ANO3: variants seen among roughly 807,000 people sequenced by gnomAD.
ANO3 encodes anoctamin 3.
ANO3 carries 99 observed loss-of-function variants against 144.8 expected under a neutral mutation model. The ratio of observed to expected loss-of-function variants is 0.68; its 90% confidence interval spans 0.58 to 0.81. ANO3 has a LOEUF of 0.81. Ranked by LOEUF, ANO3 falls within the 30% of genes least tolerant of loss-of-function variation. The pLI, the probability that ANO3 is intolerant of heterozygous loss-of-function variation, is 0.00. For missense variants in ANO3, 905 were observed against 1,202.2 expected (o/e 0.75, Z 3.66); for synonymous variants, 414 against 392.6 (o/e 1.05, Z -0.64).
At chr11:26,209,761 G>C (rs1195363167) in intron 1 of ANO3, among the ~76,000 whole-genome samples, 3 of 151,828 alleles carry the variant, frequency 2.0e-5, no homozygotes, top group African/African-American at 4.8e-5. Flanking sequence ...GCTTTTTTTC[G>C]TGTTTGTTGG....
rs549064287 is a variant in ANO3 at position 26,286,869 on chromosome 11, G to A, written c.155-22776G>A. Among the ~76,000 whole-genome samples, 9 of 152,292 alleles carry A rather than the reference G, an allele frequency of 5.9e-5. No individual in the cohort carries two copies. In the South Asian group the frequency reaches 1.5e-3, roughly 25 times the overall value. On this transcript the variant is annotated intron_variant, in intron 1 of 27. Transcript: ENST00000672621. ...AGCTCCAAACTATCTTTTTAGAGTCGTTAGCTTTGCACCAGAACCTTCTAA... is the reference window on the plus strand; with the variant it reads ...AGCTCCAAACTATCTTTTTAGAGTCATTAGCTTTGCACCAGAACCTTCTAA...
At chr11:26,233,996 G>T (rs1590207875) in intron 1 of ANO3, among the ~76,000 whole-genome samples, 1 of 71,508 alleles carries the variant, frequency 1.4e-5, no homozygotes, top group African/African-American at 3.6e-5. Context: ...AATGTATGCG[G>T]GGGGCTGAAA....
intron 1 of ANO3, among the ~76,000 whole-genome samples, chr11:26,415,736 C>A (rs1185037267): frequency 6.6e-6 from 1 of 152,052 alleles, no homozygotes; most frequent in Non-Finnish European, 1.5e-5. Context: ...AAGGGAAATA[C>A]AGCCAGGCAC....
At position 26,315,141 on chromosome 11, in the gene ANO3, G is replaced by C. The variant is rs1854592542; in HGVS notation, c.-3+5422G>C. ...CTGTAGATGATTACATCTATGTATG[G>C]CATTCAGATGAAGAGCAATTCATCT... On this transcript the variant is annotated intron_variant, in intron 1 of 26. Coordinates refer to the ANO3 transcript ENST00000525139. Among the ~76,000 whole-genome samples, 6 of 151,670 alleles carry C rather than the reference G, an allele frequency of 4.0e-5. No homozygotes were observed. In the South Asian group the frequency reaches 1.2e-3, roughly 32 times the overall value.
intron 12 of ANO3, among the ~76,000 whole-genome samples, chr11:26,550,425 T>C (rs1849903841): frequency 6.6e-6 from 1 of 151,740 alleles, no homozygotes; most frequent in Non-Finnish European, 1.5e-5. Context: ...TTACCCTCCA[T>C]TCCCTCCTTC....
At position 26,642,028 on chromosome 11, in the gene ANO3, G is replaced by A. The variant is rs1049806973; in HGVS notation, c.2274G>A (p.Met758Ile). The A allele has an allele frequency of 1.2e-6, 2 of 1,607,538 alleles. No homozygotes were observed. The highest frequency in any genetic ancestry group is 2.7e-5 in the African/African-American group (2 of 74,420). The change falls in exon 22 of 27, where the codon ATG (methionine) becomes ATA (isoleucine). Residue 758 changes from methionine to isoleucine, a missense_variant and splice_region_variant. By Grantham distance (10) the Met-to-Ile change is conservative. This residue lies in a region of ANO3 where 597 missense variants were observed against 865.1 expected (regional missense o/e 0.69). Coordinates refer to ENST00000256737, the MANE Select transcript of ANO3 (RefSeq NM_031418.4). ...GACTGATGGATGAGTACTTAGAAAT[G>A]GGTAAGGAAAAAAAATCTGCAGGAC... is the stretch of plus-strand genomic sequence containing the variant. ...LHGLMDEYLE[M>I]VLQFGFTTIF...
intron 14 of ANO3, among the ~76,000 whole-genome samples, chr11:26,587,328 A>G (rs1308003020): frequency 6.6e-6 from 1 of 152,112 alleles, no homozygotes; most frequent in Non-Finnish European, 1.5e-5. Flanking sequence ...CTTTCCTCCT[A>G]TGTTTATACA....
intron 1 of ANO3, among the ~76,000 whole-genome samples, chr11:26,333,802 C>T (rs1161576658): frequency 6.6e-6 from 1 of 152,190 alleles, no homozygotes; most frequent in Non-Finnish European, 1.5e-5. Flanking sequence ...ACCTAGTATG[C>T]ACTTCTACTT....
intron 1 of ANO3, among the ~76,000 whole-genome samples, chr11:26,429,281 C>A (rs1474753929): frequency 6.6e-6 from 1 of 152,008 alleles, no homozygotes; most frequent in African/African-American, 2.4e-5. Flanking sequence ...ACACTGGAAC[C>A]AGAAAGCAAA....
intron 19 of ANO3, 124 bp downstream of exon 19, chr11:26,634,439 A>G: frequency 1.6e-6 from 1 of 616,930 alleles, no homozygotes; most frequent in South Asian, 2.3e-5. Flanking sequence ...TGGCACAAAA[A>G]AATAAAACCT....
At chr11:26,306,019 C>A (rs1303645224), upstream of ANO3, among the ~76,000 whole-genome samples, 1 of 151,986 alleles carries the variant, frequency 6.6e-6, no homozygotes, top group African/African-American at 2.4e-5. Flanking sequence ...AGTGCAGTGG[C>A]GCGATCTCGG....
At chr11:26,423,045 T>C (rs1857799349) in intron 1 of ANO3, among the ~76,000 whole-genome samples, 1 of 152,024 alleles carries the variant, frequency 6.6e-6, no homozygotes, top group Non-Finnish European at 1.5e-5. Flanking sequence ...TCATCTTTAA[T>C]GTTATTTTCT....
chr11:26,513,317 G>C (rs1343530468), intron 5 of ANO3, among the ~76,000 whole-genome samples: 1 of 152,194 alleles, frequency 6.6e-6, no homozygotes, highest in African/African-American at 2.4e-5. Context: ...TTGTGAGAAG[G>C]ATAGGCCACT....
intron 1 of ANO3, among the ~76,000 whole-genome samples, chr11:26,205,117 G>A (rs187624054): frequency 3.3e-5 from 5 of 152,048 alleles, no homozygotes; most frequent in African/African-American, 4.8e-5. Flanking sequence ...TCACTATCAC[G>A]AGAACAGCAT....
At chr11:26,651,705 C>T (rs762976037) in intron 24 of ANO3, among the ~76,000 whole-genome samples, 1 of 151,866 alleles carries the variant, frequency 6.6e-6, no homozygotes, top group Non-Finnish European at 1.5e-5. Flanking sequence ...AATAGATACA[C>T]CTCTGTGAAA....
At chr11:26,253,237 C>A (rs59898647) in intron 1 of ANO3, among the ~76,000 whole-genome samples, 2,788 of 152,242 alleles carry the variant, frequency 0.018, 69 homozygotes, top group East Asian at 0.12. Flanking sequence ...AAAGAATGAA[C>A]TCATGTCCTT....
chr11:26,554,973 A>G (rs1850043415), intron 13 of ANO3, among the ~76,000 whole-genome samples: 1 of 152,106 alleles, frequency 6.6e-6, no homozygotes, highest in South Asian at 2.1e-4. Flanking sequence ...CATCTTTTCC[A>G]GAGTGGAGGT....
chr11:26,416,647 G>A (rs781031933), intron 1 of ANO3, among the ~76,000 whole-genome samples: 7 of 151,888 alleles, frequency 4.6e-5, no homozygotes, highest in Non-Finnish European at 1.0e-4. Context: ...GGATGGTCTC[G>A]ATCTCCTGAC....
chr11:26,621,382 A>C (rs547807757), intron 17 of ANO3, among the ~76,000 whole-genome samples: 2 of 152,200 alleles, frequency 1.3e-5, no homozygotes, highest in South Asian at 2.1e-4. Flanking sequence ...GAAATACATC[A>C]AGTCTGTGCC....
Sources: allele counts gnomAD v4.1 joint callset (sites outside exome capture counted in the v4.1 genomes callset), GRCh38; gene constraint gnomAD v4.1.1; regional missense constraint gnomAD v4.1.1; transcripts MANE v1.5; gene names NCBI Gene and HGNC (gene_info 2026-07-23, HGNC 2026-07-21).